CHRNB1: variants seen among roughly 807,000 people sequenced by gnomAD.
CHRNB1 encodes acetylcholine receptor subunit beta.
Under a neutral mutation model 53.8 loss-of-function variants are expected in CHRNB1, and 47 were observed. The ratio of observed to expected loss-of-function variants is 0.87; its 90% CI spans 0.69 to 1.11. The LOEUF (loss-of-function observed/expected upper bound fraction) is 1.11. Among genes scored for constraint, CHRNB1 ranks in the 50% most tolerant of loss-of-function variants. The pLI, the probability that CHRNB1 is intolerant of heterozygous loss-of-function variation, is 0.00. For missense variants in CHRNB1, 605 were observed against 654.9 expected (o/e 0.92, Z 0.83); for synonymous variants, 259 against 263.5 (o/e 0.98, Z 0.16).
chr17:7,446,020 T>C, intron 2 of CHRNB1, 49 bp from the exon 3 acceptor site: 1 of 1,578,548 alleles, frequency 6.3e-7, no homozygotes, highest in Non-Finnish European at 8.7e-7. Flanking sequence ...AGCCCCCTCA[T>C]TTCTCTCCAC....
chr17:7,446,202 C>T, intron 3 of CHRNB1, 89 bp downstream of exon 3: 1 of 1,157,466 alleles, frequency 8.6e-7, no homozygotes, highest in Non-Finnish European at 1.3e-6. Context: ...TTTTTTACAT[C>T]ATGACTTTAG....
At chr17:7,454,981 T>G (rs1371216429) in intron 8 of CHRNB1, among the ~76,000 whole-genome samples, 1 of 151,830 alleles carries the variant, frequency 6.6e-6, no homozygotes, top group African/African-American at 2.4e-5. Flanking sequence ...TTTTGTATTT[T>G]TAGTAGAGAG....
At position 7,456,667 on chromosome 17, in the gene CHRNB1, C is replaced by G. The variant is rs777872257; in HGVS notation, c.1450C>G (p.Leu484Val). 3 of 1,614,136 alleles carry G rather than the reference C, an allele frequency of 1.9e-6. No homozygotes were observed. Among genetic ancestry groups the G allele is most frequent in the East Asian group, 2.2e-5 (1 of 44,874 alleles). ...TFIIFTSVGT[L>V]VIFLDATYHL... is the part of the protein sequence containing the mutation. ...CATCATCTTCACCAGCGTTGGGACC[C>G]TAGTCATCTTCCTGGACGCCACGTA... The change falls in exon 11 of 11, where the codon CTA (leucine) becomes GTA (valine). Residue 484 changes from leucine (L) to valine (V), a missense_variant. Coordinates refer to ENST00000306071, the MANE Select transcript of CHRNB1 (RefSeq NM_000747.3).
rs1908766523 is a variant in CHRNB1 at position 7,448,703 on chromosome 17, T to C, written c.735T>C (p.Pro245=). The change falls in exon 7 of 11, where the codon CCT becomes CCC. Residue 245 remains proline, a synonymous_variant. Coordinates refer to ENST00000306071, the MANE Select transcript of CHRNB1 (RefSeq NM_000747.3). ...TCTACCTCATCATCCGCCGCAAGCC[T>C]CTCTTCTACCTGGTCAACGTCATTG... ...VIFYLIIRRK[P]LFYLVNVIAP... is the part of the protein sequence containing the mutation. The C allele has an allele frequency of 6.2e-7, 1 of 1,614,184 alleles. No individual in the cohort carries two copies. The highest frequency in any genetic ancestry group is 8.5e-7 in the Non-Finnish European group (1 of 1,180,034).
intron 7 of CHRNB1, among the ~76,000 whole-genome samples, chr17:7,453,146 T>G (rs572948549): frequency 2.0e-5 from 3 of 152,304 alleles, no homozygotes; most frequent in African/African-American, 7.2e-5. Context: ...AGATGGAGTT[T>G]TGCTCTTGAT....
chr17:7,446,640 G>T (rs1194568115), intron 3 of CHRNB1, 193 bp from the exon 4 acceptor site: 3 of 603,710 alleles, frequency 5.0e-6, no homozygotes, highest in Non-Finnish European at 8.8e-6. Flanking sequence ...AACCCGGTGC[G>T]GGGGAGGGAA....
chr17:7,455,790 C>T lies in CHRNB1; in HGVS notation c.1218-4C>T, dbSNP rs747023810. ...TTGGGCGTGGCCAGTCACTCCTCTT[C>T]CAGGTTCCAGCCTGAACTGTCTGCC... On this transcript the variant is annotated splice_region_variant and splice_polypyrimidine_tract_variant and intron_variant, in intron 9 of 10. Coordinates refer to ENST00000306071, the MANE Select transcript of CHRNB1 (RefSeq NM_000747.3). The T allele has an allele frequency of 6.2e-6, 10 of 1,614,218 alleles. No homozygotes were observed. The South Asian group carries it at 9.9e-5, about 16-fold the overall frequency.
Position 7,456,037 on chromosome 17 carries a change from G to GT in CHRNB1, c.1365+105dup, listed in dbSNP as rs371941700. On this transcript the variant is annotated intron_variant, in intron 10 of 10. Coordinates refer to ENST00000306071, the MANE Select transcript of CHRNB1 (RefSeq NM_000747.3). ...CACTCGCTTTCGTTTTTTTTGTGTGGTTTTTTTTTGGCTTTTTTTTTTTTT... is the reference window on the plus strand; with the variant it reads ...CACTCGCTTTCGTTTTTTTTGTGTGGTTTTTTTTTTGGCTTTTTTTTTTTTT... 117,720 of 769,768 alleles carry GT rather than the reference G, an allele frequency of 0.15. 9,936 individuals are homozygous for GT. The highest frequency in any genetic ancestry group is 0.24 in the South Asian group (14,028 of 57,906). 47.7% of individuals were successfully genotyped at this position (769,768 alleles called of 1,614,324 possible).
Position 7,445,690 on chromosome 17 carries a change from C to T in CHRNB1, c.198+281C>T, listed in dbSNP as rs1908577150. On this transcript the variant is annotated intron_variant, in intron 2 of 10. Transcript: ENST00000306071. The surrounding 1 kb of genome is among the most constrained non-coding windows in gnomAD (Gnocchi z 5.7). ...GAGGCAGGGGCTGGGGGACGGACCT[C>T]GACGTAGGGCCACATGAGTCCTGAG... 83 of 1,188,730 alleles carry T rather than the reference C, an allele frequency of 7.0e-5. No homozygotes were observed. The South Asian group carries it at 1.2e-3, about 17-fold the overall frequency. The allele number at this position is 1,188,730 out of a possible 1,614,324, so 73.6% of individuals were successfully genotyped here.
chr17:7,448,001 G>A (rs1330530529), intron 6 of CHRNB1, among the ~76,000 whole-genome samples: 2 of 148,578 alleles, frequency 1.3e-5, no homozygotes, highest in African/African-American at 5.0e-5. Context: ...CTTGAACCTG[G>A]GAGGTGGAGG....
chr17:7,455,256 C>T (rs2069936921), intron 8 of CHRNB1, 28 bp from the exon 9 acceptor site: 3 of 1,613,612 alleles, frequency 1.9e-6, no homozygotes, highest in Non-Finnish European at 1.7e-6. Context: ...ATGAAAGCCC[C>T]CACCAATACG....
chr17:7,451,492 G>A (rs1908887842), intron 7 of CHRNB1, among the ~76,000 whole-genome samples: 1 of 151,874 alleles, frequency 6.6e-6, no homozygotes, highest in Non-Finnish European at 1.5e-5. Context: ...TGTTGGCCAG[G>A]CTAGTCTCAA....
In CHRNB1 at chr17:7,455,813, G is replaced by C. The variant is rs1158336202; in HGVS notation, c.1237G>C (p.Ala413Pro). 3.7e-6 allele frequency: 6 copies of C among 1,614,028 alleles called. No individual in the cohort carries two copies. The highest frequency in any genetic ancestry group is 1.3e-5 in the African/African-American group (1 of 74,902). Reference protein sequence around the residue: ...KPNRFQPELSAPDLRRFIDGP... With the variant: ...KPNRFQPELSPPDLRRFIDGP... ...TTCCAGGTTCCAGCCTGAACTGTCT[G>C]CCCCTGATCTGCGGCGATTTATCGA... Residue 413 changes from alanine (A) to proline (P), a missense_variant, in exon 10 of 11, where the codon GCC (alanine) becomes CCC (proline). Ala to Pro is a conservative substitution (Grantham distance 27). Coordinates refer to ENST00000306071, the MANE Select transcript of CHRNB1 (RefSeq NM_000747.3).
rs762323487 is a variant in CHRNB1 at position 7,448,651 on chromosome 17, G to C, written c.683G>C (p.Arg228Thr). The C allele has an allele frequency of 6.2e-7, 1 of 1,614,140 alleles. No homozygotes were observed. ...IQPPGDPRGG[R>T]EGQRQEVIFY... Reference sequence around the variant, plus strand: ...CCTCCAGGCGATCCTAGGGGAGGGAGGGAAGGACAGCGCCAGGAAGTCATC... The same window carrying C: ...CCTCCAGGCGATCCTAGGGGAGGGACGGAAGGACAGCGCCAGGAAGTCATC... The change falls in exon 7 of 11, where the codon AGG becomes ACG. Residue 228 changes from arginine (R) to threonine (T), a missense_variant. Physicochemically the swap from Arg to Thr is moderately conservative, Grantham distance 71. Coordinates refer to ENST00000306071, the MANE Select transcript of CHRNB1 (RefSeq NM_000747.3).
chr17:7,446,680 G>A (rs1908645669), intron 3 of CHRNB1, 153 bp from the exon 4 acceptor site: 1 of 637,430 alleles, frequency 1.6e-6, no homozygotes, highest in Non-Finnish European at 2.8e-6. Context: ...AGCGAGTGAA[G>A]GCGGAGCCAG....
intron 5 of CHRNB1, 159 bp from the exon 6 acceptor site, chr17:7,447,340 CTCAG>C: frequency 2.1e-6 from 2 of 947,694 alleles, no homozygotes; most frequent in Non-Finnish European, 3.3e-6. Flanking sequence ...TCTAGTCTTA[CTCAG>C]TGACCGCCCT....
chr17:7,446,517 T>A, intron 3 of CHRNB1: 1 of 521,282 alleles, frequency 1.9e-6, no homozygotes, highest in Non-Finnish European at 3.5e-6. Context: ...AAACACTGGT[T>A]TGGGGCCGCT....
chr17:7,446,919 C>A lies in CHRNB1; in HGVS notation c.330C>A (p.Leu110=). ...SLRITAESVW[L]PDVVLLNNND... is the part of the protein sequence containing the mutation. Reference sequence around the variant, plus strand: ...GCATCACGGCGGAATCCGTGTGGCTCCCTGACGTGGTGCTACTGAACAAGT... The same window carrying A: ...GCATCACGGCGGAATCCGTGTGGCTACCTGACGTGGTGCTACTGAACAAGT... The change falls in exon 4 of 11, where the codon CTC becomes CTA. Residue 110 remains leucine, a synonymous_variant. Coordinates refer to ENST00000306071, the MANE Select transcript of CHRNB1 (RefSeq NM_000747.3). The A allele has an allele frequency of 4.3e-6, 7 of 1,613,870 alleles. No individual in the cohort carries two copies. The highest frequency in any genetic ancestry group is 5.9e-6 in the Non-Finnish European group (7 of 1,179,986).
chr17:7,449,397 C>T (rs1908793982), intron 7 of CHRNB1, among the ~76,000 whole-genome samples: 2 of 147,360 alleles, frequency 1.4e-5, no homozygotes, highest in African/African-American at 5.0e-5. Context: ...GCCACAGGGC[C>T]CGACCTTTTT....
Sources: allele counts gnomAD v4.1 joint callset (sites outside exome capture counted in the v4.1 genomes callset), GRCh38; gene constraint gnomAD v4.1.1; non-coding constraint Gnocchi (gnomAD v3.1); transcripts MANE v1.5; gene names NCBI Gene and HGNC (gene_info 2026-07-23, HGNC 2026-07-21).